Variants in PITPNM2 observed in about 807,000 individuals in gnomAD.
PITPNM2 encodes the protein membrane-associated phosphatidylinositol transfer protein 2.
In PITPNM2, 35 loss-of-function variants were observed where a neutral mutation model predicts 132.2. That is an observed-to-expected ratio of 0.26 (90% CI 0.20 to 0.35). PITPNM2 has a LOEUF of 0.35. PITPNM2 is among the 10% of genes least tolerant of loss of function. The pLI is 1.00. For missense variants in PITPNM2, 1,332 were observed against 1,912.0 expected (o/e 0.70, Z 5.66); for synonymous variants, 738 against 799.2 (o/e 0.92, Z 1.29).
At position 122,986,287 on chromosome 12, in the gene PITPNM2, C is replaced by T. The variant is rs770737961; in HGVS notation, c.3790G>A (p.Ala1264Thr). Residue 1264 changes from alanine (A) to threonine (T), a missense_variant, in exon 26 of 26, where the codon GCT (alanine) becomes ACT (threonine). By Grantham distance (58) the Ala-to-Thr change is moderately conservative. Around this residue, in one of 6 missense-constraint regions of PITPNM2, gnomAD observed 163 missense variants for 177.2 expected, o/e 0.92. Coordinates refer to ENST00000320201, the MANE Select transcript of PITPNM2 (RefSeq NM_020845.3). The stretch of plus-strand genomic sequence containing the variant: ...GCCATGCGGGTGGCCGTGTTGCGAG[C>T]GGGCCGCGCCCGGTGGCTGTACTTC... ...QLKYSHRARP[A>T]RNTATRMALR... 8 of 1,580,870 alleles carry T rather than the reference C, an allele frequency of 5.1e-6. No homozygotes were observed. Among genetic ancestry groups the T allele is most frequent in the South Asian group, 2.3e-5 (2 of 86,860 alleles).
Position 122,987,631 on chromosome 12 carries a change from G to T in PITPNM2, c.3143C>A (p.Pro1048His). ...KVDVHIMTQP[P>H]SGEWLYLDTL... ...ATCCAGGTAGAGCCACTCGCCTGAG[G>T]GCGGCTGGGTCATGATGTGCACATC... The change falls in exon 22 of 26, where the codon CCC becomes CAC. Residue 1048 changes from proline (P) to histidine (H), a missense_variant. Pro to His is a moderately conservative substitution (Grantham distance 77). Transcript: ENST00000320201. The T allele has an allele frequency of 6.2e-7, 1 of 1,613,706 alleles. No homozygotes were observed. The highest frequency in any genetic ancestry group is 1.1e-5 in the South Asian group (1 of 91,070).
intron 8 of PITPNM2, among the ~76,000 whole-genome samples, chr12:123,001,892 G>A (rs932487699): frequency 2.6e-5 from 4 of 152,146 alleles, no homozygotes; most frequent in East Asian, 1.9e-4. Context: ...TTAGTCAGGC[G>A]TGGTGGTGTG....
chr12:123,121,564 T>G (rs896833227), intron 1 of PITPNM2, among the ~76,000 whole-genome samples: 10 of 152,198 alleles, frequency 6.6e-5, no homozygotes, highest in African/African-American at 9.6e-5. Context: ...ATTTGTTTTT[T>G]GAGACAGGGT....
rs1454296797 is a variant in PITPNM2, at chr12:122,996,592, G to C, written c.1663-15C>G. The C allele has an allele frequency of 2.5e-6, 4 of 1,612,906 alleles. No individual in the cohort carries two copies. Among genetic ancestry groups the C allele is most frequent in the Non-Finnish European group, 3.4e-6 (4 of 1,179,988 alleles). On this transcript the variant is annotated splice_polypyrimidine_tract_variant and intron_variant, in intron 12 of 25. Transcript: ENST00000320201. ...ATCAGGCAGACCTTGGGAGAGAGGG[G>C]CCAGAGGCCTGAGCCATTCACCCGC...
upstream of PITPNM2, among the ~76,000 whole-genome samples, chr12:123,151,821 A>C (rs2043769378): frequency 1.3e-5 from 2 of 152,230 alleles, no homozygotes; most frequent in African/African-American, 4.8e-5. Context: ...ATGGAACTAA[A>C]GAGAGCACAC....
chr12:123,133,129 A>G (rs1275714427), intron 1 of PITPNM2, among the ~76,000 whole-genome samples: 1 of 152,198 alleles, frequency 6.6e-6, no homozygotes, highest in African/African-American at 2.4e-5. Flanking sequence ...TTGAGGAACC[A>G]CCAAATTGTC....
In PITPNM2 at chr12:122,992,609, G is replaced by A; in HGVS notation, c.2294C>T (p.Ser765Leu). 1 of 1,610,156 alleles carries A rather than the reference G, an allele frequency of 6.2e-7. No individual in the cohort carries two copies. The highest frequency in any genetic ancestry group is 8.5e-7 in the Non-Finnish European group (1 of 1,178,552). The change falls in exon 16 of 26, where the codon TCA becomes TTA. Residue 765 changes from serine to leucine, a missense_variant. Transcript: ENST00000320201. The surrounding 1 kb of genome is among the most constrained non-coding windows in gnomAD (Gnocchi z 6.5). ...CAGCAGCGGCTCCAGGCGTGAAGCT[G>A]ACGGGTCCGCGGGGTGGAAGAGGTT... ...VYNLFHPADP[S>L]ASRLEPLLER...
At chr12:123,037,486 C>A (rs1173425772) in intron 2 of PITPNM2, among the ~76,000 whole-genome samples, 3 of 152,168 alleles carry the variant, frequency 2.0e-5, no homozygotes, top group Non-Finnish European at 4.4e-5. Flanking sequence ...CTCTGTGGGG[C>A]CTCAGGTGGG....
chr12:123,011,545 A>G (rs1017000249), intron 5 of PITPNM2, among the ~76,000 whole-genome samples: 7 of 152,262 alleles, frequency 4.6e-5, no homozygotes, highest in Non-Finnish European at 1.5e-5. Flanking sequence ...ACAGTGCCTC[A>G]GAATGTGATC....
chr12:122,991,838 G>T, intron 16 of PITPNM2: 1 of 1,305,312 alleles, frequency 7.7e-7, no homozygotes, highest in Non-Finnish European at 9.7e-7. Flanking sequence ...GTCCCCGTGG[G>T]GGAGAGGGGC....
At chr12:123,030,179 G>A (rs2040031297) in intron 3 of PITPNM2, among the ~76,000 whole-genome samples, 2 of 152,116 alleles carry the variant, frequency 1.3e-5, no homozygotes, top group African/African-American at 4.8e-5. Flanking sequence ...GGACTCTTCT[G>A]TTTCAAAACA....
intron 2 of PITPNM2, among the ~76,000 whole-genome samples, chr12:123,084,990 G>A (rs933439875): frequency 1.4e-4 from 22 of 152,114 alleles, no homozygotes; most frequent in Admixed American, 1.2e-3. Flanking sequence ...CAGCTTAATC[G>A]GGCCAAGTAT....
At chr12:123,034,738 A>T in intron 2 of PITPNM2, 53 bp from the exon 3 acceptor site, 1 of 687,166 alleles carries the variant, frequency 1.5e-6, no homozygotes, top group Non-Finnish European at 2.6e-6. Flanking sequence ...AAGGCTGGTG[A>T]ATACCATAGC....
intron 1 of PITPNM2, among the ~76,000 whole-genome samples, chr12:123,141,434 C>A (rs2043503347): frequency 6.6e-6 from 1 of 152,198 alleles, no homozygotes. Flanking sequence ...GGATCACTAC[C>A]ATGCCACTGG....
At chr12:123,147,208 C>T (rs922629536) in intron 1 of PITPNM2, among the ~76,000 whole-genome samples, 4 of 152,224 alleles carry the variant, frequency 2.6e-5, no homozygotes, top group African/African-American at 9.6e-5. Flanking sequence ...AGGGCATCTC[C>T]TCCTCTGAAC....
At chr12:123,139,082 G>A (rs533670720) in intron 1 of PITPNM2, among the ~76,000 whole-genome samples, 1 of 152,138 alleles carries the variant, frequency 6.6e-6, no homozygotes, top group African/African-American at 2.4e-5. Context: ...AGGTTGCAGT[G>A]AGCTACGATT....
At chr12:123,133,905 C>A (rs1383848441) in intron 1 of PITPNM2, among the ~76,000 whole-genome samples, 1 of 152,192 alleles carries the variant, frequency 6.6e-6, no homozygotes, top group African/African-American at 2.4e-5. Flanking sequence ...TAATCTTGAA[C>A]TCCTGACCTC....
chr12:123,079,357 T>C (rs563891249), intron 2 of PITPNM2, among the ~76,000 whole-genome samples: 10 of 100,022 alleles, frequency 1.0e-4, no homozygotes, highest in Admixed American at 1.8e-4. Flanking sequence ...TTTCTTTTTT[T>C]TTTTTTTTTT....
chr12:123,007,812 C>T (rs2039006150), intron 6 of PITPNM2, among the ~76,000 whole-genome samples: 1 of 152,138 alleles, frequency 6.6e-6, no homozygotes, highest in Non-Finnish European at 1.5e-5. Context: ...CTGGGACATG[C>T]ACTACATCTG....
Sources: gnomAD v4.1 joint callset for allele counts (sites outside exome capture counted in the v4.1 genomes callset) on GRCh38, gnomAD v4.1.1 for gene constraint, gnomAD v4.1.1 regional missense constraint, Gnocchi (gnomAD v3.1) non-coding constraint, MANE v1.5 for transcripts, NCBI Gene and HGNC (gene_info 2026-07-23, HGNC 2026-07-21) for gene names.